Variants in CST4 observed in about 807,000 individuals in gnomAD.
CST4 encodes the protein cystatin S, also known as cystatin-S.
CST4 carries 17 observed loss-of-function variants against 11.2 expected under a neutral mutation model. That is an observed-to-expected ratio of 1.52 (90% confidence interval 1.04 to 2.27). The LOEUF (loss-of-function observed/expected upper bound fraction) is 2.27. CST4 is among the 30% of genes most tolerant of loss of function. The pLI is 0.00. For synonymous variants in CST4, 93 were observed against 70.1 expected, an observed-to-expected ratio of 1.33 and a Z score of -1.63; for missense variants, 251 against 180.2, an observed-to-expected ratio of 1.39 and a Z score of -2.25.
In CST4 at chr20:23,688,720, C is replaced by G; in HGVS notation, c.228+22G>C. ...CAAACCAGGCTAGGGCTCAGGACCC[C>G]TCGGGTGGAGGCAGCACCCACCTGC... On this transcript the variant is annotated intron_variant, in intron 1 of 2. Transcript: ENST00000217423. 3 of 1,613,036 alleles carry G rather than the reference C, an allele frequency of 1.9e-6. No homozygotes were observed. The South Asian group carries it at 3.3e-5, about 18-fold the overall frequency.
At chr20:23,688,117 C>T (rs1981105015) in intron 1 of CST4, among the ~76,000 whole-genome samples, 1 of 152,356 alleles carries the variant, frequency 6.6e-6, no homozygotes, top group South Asian at 2.1e-4. Context: ...GAAGCTCACT[C>T]TGGACCTAAC....
chr20:23,686,718 T>A (rs985554044), intron 2 of CST4, among the ~76,000 whole-genome samples: 1 of 151,792 alleles, frequency 6.6e-6, no homozygotes, highest in African/African-American at 2.4e-5. Flanking sequence ...ATCAAACACA[T>A]CACCCCCTCC....
chr20:23,688,650 T>A, intron 1 of CST4, 92 bp downstream of exon 1: 1 of 1,146,836 alleles, frequency 8.7e-7, no homozygotes, highest in Non-Finnish European at 1.3e-6. Flanking sequence ...AGATCATGAA[T>A]GTGTCAGTGT....
rs1459121191 is a variant in CST4, at chr20:23,688,856, G to T, written c.114C>A (p.Asp38Glu). 24 of 1,614,034 alleles carry T rather than the reference G, an allele frequency of 1.5e-5. No homozygotes were observed. Among genetic ancestry groups the T allele is most frequent in the African/African-American group, 4.0e-5 (3 of 74,916 alleles). Residue 38 changes from aspartate (D) to glutamate (E), a missense_variant, in exon 1 of 3, where the codon GAC becomes GAA. Asp to Glu is a conservative substitution (Grantham distance 45, BLOSUM62 2). Transcript: ENST00000217423. ...RIIPGGIYDA[D>E]LNDEWVQRAL... is the part of the protein sequence containing the mutation. ...CACGCTGTACCCACTCATCATTGAGGTCTGCATCATAGATGCCACCTGGGA... is the reference window on the plus strand; with the variant it reads ...CACGCTGTACCCACTCATCATTGAGTTCTGCATCATAGATGCCACCTGGGA...
intron 2 of CST4, 127 bp from the exon 3 acceptor site, chr20:23,686,104 G>T: frequency 1.0e-6 from 1 of 956,656 alleles, no homozygotes; most frequent in Non-Finnish European, 1.6e-6. Context: ...ACCCACCCCT[G>T]CTGAGTCCCA....
rs143990199 is a variant in CST4, at chr20:23,685,951, G to A, written c.369C>T (p.Tyr123=). 22,515 of 1,613,802 alleles carry A rather than the reference G, an allele frequency of 0.014. 211 individuals carry two copies. The highest frequency in any genetic ancestry group is 0.018 in the Non-Finnish European group (20,664 of 1,179,664). ...QKKQLCSFEI[Y]EVPWEDRMSL... ...ACATTCTGTCCTCCCAGGGAACTTC[G>A]TAGATCTCGAAAGAGCACAACTGTT... The change falls in exon 3 of 3, where the codon TAC becomes TAT. Residue 123 remains tyrosine, a synonymous_variant. Transcript: ENST00000217423.
At chr20:23,686,584 C>G (rs1049885297) in intron 2 of CST4, among the ~76,000 whole-genome samples, 1 of 152,106 alleles carries the variant, frequency 6.6e-6, no homozygotes, top group Non-Finnish European at 1.5e-5. Context: ...TGGGATTAGA[C>G]AGATCCCCTT....
rs140355922 is a variant in CST4 at position 23,688,784 on chromosome 20, C to G, written c.186G>C (p.Glu62Asp). Residue 62 changes from glutamate to aspartate, a missense_variant, in exon 1 of 3, where the codon GAG becomes GAC. Coordinates refer to ENST00000217423, the MANE Select transcript of CST4 (RefSeq NM_001899.3). ...ISEYNKATEDEYYRRPLQVLR... is the reference protein window; with the variant it reads ...ISEYNKATEDDYYRRPLQVLR... Reference sequence around the variant, plus strand: ...GCACCTGCAGCGGGCGTCTGTAGTACTCATCTTCGGTGGCCTTGTTGTACT... The same window carrying G: ...GCACCTGCAGCGGGCGTCTGTAGTAGTCATCTTCGGTGGCCTTGTTGTACT... 171 of 1,614,186 alleles carry G rather than the reference C, an allele frequency of 1.1e-4. 1 individual carries two copies. The Middle Eastern group carries it at 2.1e-3, about 20-fold the overall frequency.
At chr20:23,686,297 C>T (rs6048991) in intron 2 of CST4, among the ~76,000 whole-genome samples, 27,188 of 152,044 alleles carry the variant, frequency 0.18, 2,562 homozygotes, top group African/African-American at 0.23. Context: ...TGGCTCAGTT[C>T]CCCCAGCTCC....
In CST4 at chr20:23,688,930, T is replaced by C; in HGVS notation, c.40A>G (p.Thr14Ala). Reference sequence around the variant, plus strand: ...CTCGAGGCCAGAGCCCCAGCCAGGGTAGCCATCAGGAGTAGCAGGGTACAC... The same window carrying C: ...CTCGAGGCCAGAGCCCCAGCCAGGGCAGCCATCAGGAGTAGCAGGGTACAC... ...PLCTLLLLMA[T>A]LAGALASSSK... Residue 14 changes from threonine to alanine, a missense_variant, in exon 1 of 3, where the codon ACC (threonine) becomes GCC (alanine). By Grantham distance (58) the Thr-to-Ala change is moderately conservative. Transcript: ENST00000217423. 1.2e-6 allele frequency: 2 copies of C among 1,614,084 alleles called. No individual in the cohort carries two copies. The highest frequency in any genetic ancestry group is 1.7e-6 in the Non-Finnish European group (2 of 1,179,992).
chr20:23,687,460 A>G (rs1981085866), intron 1 of CST4, among the ~76,000 whole-genome samples: 1 of 152,196 alleles, frequency 6.6e-6, no homozygotes, highest in African/African-American at 2.4e-5. Flanking sequence ...GGGTGAGGGA[A>G]CACTGACTCT....
intron 1 of CST4, 74 bp downstream of exon 1, chr20:23,688,668 C>G (rs10854252): frequency 0.17 from 237,948 of 1,375,604 alleles, 21,738 homozygotes; most frequent in African/African-American, 0.22. Context: ...TGTTGATTTG[C>G]TTGGAATGCT....
rs143894727 is a variant in CST4 at position 23,687,037 on chromosome 20, C to G, written c.342+51G>C. 7.5e-6 allele frequency: 12 copies of G among 1,605,422 alleles called. No homozygotes were observed. The South Asian group carries it at 1.2e-4, about 16-fold the overall frequency. The stretch of plus-strand genomic sequence containing the variant: ...TGGGTAGGACAGAGGCTGACACATA[C>G]GCACCCCTCTGCAGTGCATGACTGG... On this transcript the variant is annotated intron_variant, in intron 2 of 2. Coordinates refer to ENST00000217423, the MANE Select transcript of CST4 (RefSeq NM_001899.3).
intron 1 of CST4, among the ~76,000 whole-genome samples, chr20:23,687,992 C>T (rs139434941): frequency 7.6e-4 from 116 of 152,294 alleles, no homozygotes; most frequent in African/African-American, 2.6e-3. Flanking sequence ...GGAGGAGAAA[C>T]GGGACTGGTC....
intron 1 of CST4, 104 bp downstream of exon 1, chr20:23,688,638 T>G: frequency 2.8e-6 from 3 of 1,068,118 alleles, no homozygotes; most frequent in East Asian, 2.4e-5. Context: ...AATCTGAGCA[T>G]TAGATCATGA....
Position 23,689,015 on chromosome 20 carries a change from G to A in CST4, c.-46C>T. The A allele has an allele frequency of 1.3e-6, 2 of 1,585,862 alleles. No homozygotes were observed. Among genetic ancestry groups the A allele is most frequent in the Non-Finnish European group, 1.7e-6 (2 of 1,159,130 alleles). On this transcript the variant is annotated 5_prime_UTR_variant, in exon 1 of 3. Transcript: ENST00000217423. Reference sequence around the variant, plus strand: ...ACAAAGCTGGAGCTGCAGGAGAGGAGGGTGAGAGCCCGAGGCAGGGAGCCC... The same window carrying A: ...ACAAAGCTGGAGCTGCAGGAGAGGAAGGTGAGAGCCCGAGGCAGGGAGCCC...
rs766857356 is a variant in CST4 at position 23,687,084 on chromosome 20, G to T, written c.342+4C>A. Reference sequence around the variant, plus strand: ...CTGGCCCGGGACCCGCATCAGGAACGTACCTTCTGCAGTTCTGGCTGTTCA... The same window carrying T: ...CTGGCCCGGGACCCGCATCAGGAACTTACCTTCTGCAGTTCTGGCTGTTCA... On this transcript the variant is annotated splice_donor_region_variant and intron_variant, in intron 2 of 2. Coordinates refer to ENST00000217423, the MANE Select transcript of CST4 (RefSeq NM_001899.3). 2 of 1,614,004 alleles carry T rather than the reference G, an allele frequency of 1.2e-6. No individual in the cohort carries two copies. The highest frequency in any genetic ancestry group is 2.7e-5 in the African/African-American group (2 of 74,900).
intron 1 of CST4, among the ~76,000 whole-genome samples, chr20:23,687,862 A>G (rs1383051628): frequency 2.0e-5 from 3 of 152,188 alleles, no homozygotes. Flanking sequence ...ATGGTCTGCA[A>G]TGCCCTGTGC....
chr20:23,688,805 G>A lies in CST4; in HGVS notation c.165C>T (p.Tyr55=), dbSNP rs1314971560. ...QRALHFAISE[Y]NKATEDEYYR... ...AGTACTCATCTTCGGTGGCCTTGTT[G>A]TACTCGCTGATGGCGAAGTGAAGGG... Residue 55 remains tyrosine, a synonymous_variant, in exon 1 of 3, where the codon TAC becomes TAT. Transcript: ENST00000217423. The A allele has an allele frequency of 6.2e-7, 1 of 1,614,172 alleles. No homozygotes were observed.
Sources: allele counts gnomAD v4.1 joint callset (sites outside exome capture counted in the v4.1 genomes callset), GRCh38; gene constraint gnomAD v4.1.1; transcripts MANE v1.5; gene names NCBI Gene and HGNC (gene_info 2026-07-23, HGNC 2026-07-21).